Variants in WWC1 observed in about 807,000 individuals in gnomAD.
WWC1 encodes the protein protein KIBRA.
In WWC1, 55 loss-of-function variants were observed where a neutral mutation model predicts 138.4. That is an observed-to-expected ratio of 0.40 (90% CI 0.32 to 0.50). The LOEUF (loss-of-function observed/expected upper bound fraction) is 0.50. Among genes scored for constraint, WWC1 ranks in the 20% least tolerant of loss-of-function variants. The pLI, the probability that WWC1 is intolerant of heterozygous loss-of-function variation, is 0.72. For missense variants in WWC1, 1,226 were observed against 1,420.4 expected, an observed-to-expected ratio of 0.86 and a Z score of 2.20; for synonymous variants, 524 against 564.9, an observed-to-expected ratio of 0.93 and a Z score of 1.03.
At chr5:168,333,300 A>G (rs1246437716) in intron 1 of WWC1, among the ~76,000 whole-genome samples, 2 of 152,060 alleles carry the variant, frequency 1.3e-5, no homozygotes, top group East Asian at 1.9e-4. Flanking sequence ...TACCTCCCCT[A>G]TGTATAATGT....
At chr5:168,314,775 ACG>A (rs1161416430) in intron 1 of WWC1, among the ~76,000 whole-genome samples, 2 of 152,124 alleles carry the variant, frequency 1.3e-5, no homozygotes, top group Non-Finnish European at 2.9e-5. Context: ...GGAGCCATTC[ACG>A]GGCTGCAGAG....
chr5:168,399,910 A>G (rs1779186939), intron 5 of WWC1, among the ~76,000 whole-genome samples: 1 of 152,184 alleles, frequency 6.6e-6, no homozygotes, highest in Non-Finnish European at 1.5e-5. Flanking sequence ...TCTCTAGTCA[A>G]TCCAGTAGGG....
rs75585727 is a variant in WWC1 at position 168,422,557 on chromosome 5, G to A, written c.1274+460G>A. 5.6e-3 allele frequency among the ~76,000 whole-genome samples: 848 copies of A among 152,136 alleles called. 8 individuals carry two copies. The highest frequency in any genetic ancestry group is 0.019 in the African/African-American group (806 of 41,488). On this transcript the variant is annotated intron_variant, in intron 10 of 22. Coordinates refer to ENST00000265293, the MANE Select transcript of WWC1 (RefSeq NM_015238.3). ...ACTTGAGCCCGGGAGGAGGCTTACC[G>A]TGAGCCGAGATTGTGCTACTGCACT...
At position 168,297,391 on chromosome 5, in the gene WWC1, C is replaced by T. The variant is rs551552524; in HGVS notation, c.119+5120C>T. ...CCTATAATCCCAGCACTTTGGGAGG[C>T]TGAGGCGGGCAGATCACCTGAGGTC... On this transcript the variant is annotated intron_variant, in intron 1 of 22. Transcript: ENST00000265293. Among the ~76,000 whole-genome samples the T allele has an allele frequency of 7.0e-4, 107 of 152,286 alleles. 1 individual carries two copies. The highest frequency in any genetic ancestry group is 2.5e-3 in the African/African-American group (102 of 41,560).
At chr5:168,343,686 G>A (rs983102463) in intron 1 of WWC1, among the ~76,000 whole-genome samples, 4 of 152,154 alleles carry the variant, frequency 2.6e-5, no homozygotes, top group Admixed American at 1.3e-4. Flanking sequence ...GCTGGGCGTG[G>A]TGGCGTGTGC....
intron 1 of WWC1, among the ~76,000 whole-genome samples, chr5:168,339,391 G>A (rs1773783600): frequency 6.6e-6 from 1 of 152,144 alleles, no homozygotes; most frequent in Non-Finnish European, 1.5e-5. Context: ...GGCTGTGAAG[G>A]GTGCAGTCAT....
At chr5:168,467,238 A>G (rs550259358) in intron 21 of WWC1, among the ~76,000 whole-genome samples, 1 of 152,372 alleles carries the variant, frequency 6.6e-6, no homozygotes, top group Non-Finnish European at 1.5e-5. Context: ...AGCCTGGGCG[A>G]CAGAGCGAGA....
intron 15 of WWC1, among the ~76,000 whole-genome samples, chr5:168,436,284 A>G (rs1050383450): frequency 6.6e-6 from 1 of 151,766 alleles, no homozygotes; most frequent in African/African-American, 2.4e-5. Context: ...CTCCTTCAAA[A>G]TCCTTTGCCC....
intron 1 of WWC1, among the ~76,000 whole-genome samples, chr5:168,295,809 T>A (rs778700829): frequency 1.1e-4 from 16 of 152,110 alleles, no homozygotes; most frequent in Non-Finnish European, 2.1e-4. Flanking sequence ...CAGCCAGCCT[T>A]GCCAACTCTC....
chr5:168,370,291 C>T (rs1237023680), intron 1 of WWC1, among the ~76,000 whole-genome samples: 1 of 152,096 alleles, frequency 6.6e-6, no homozygotes, highest in Non-Finnish European at 1.5e-5. Flanking sequence ...TAATTAATCC[C>T]CAAGAAGGAA....
chr5:168,434,439 A>G (rs532590884), intron 15 of WWC1, among the ~76,000 whole-genome samples: 1 of 152,324 alleles, frequency 6.6e-6, no homozygotes, highest in East Asian at 1.9e-4. Context: ...GTTTTCAGCC[A>G]GGCAGCAACA....
At chr5:168,460,304 G>T (rs1017729149) in intron 19 of WWC1, among the ~76,000 whole-genome samples, 1 of 152,142 alleles carries the variant, frequency 6.6e-6, no homozygotes, top group African/African-American at 2.4e-5. Context: ...TGACCAGCTC[G>T]CCAATCTTGG....
intron 9 of WWC1, among the ~76,000 whole-genome samples, chr5:168,421,002 G>A (rs776447776): frequency 2.6e-4 from 39 of 152,086 alleles, no homozygotes; most frequent in Non-Finnish European, 4.6e-4. Flanking sequence ...TTCTCTACTA[G>A]TCAGGAATCT....
rs1755060050 is a variant in WWC1 at position 168,444,501 on chromosome 5, T to G, written c.2441T>G (p.Val814Gly). The change falls in exon 17 of 23, where the codon GTG (valine) becomes GGG (glycine). Residue 814 changes from valine (V) to glycine (G), a missense_variant. Coordinates refer to ENST00000265293, the MANE Select transcript of WWC1 (RefSeq NM_015238.3). ...PASGPASTDAVSALLEQTAVE... is the reference protein window; with the variant it reads ...PASGPASTDAGSALLEQTAVE... ...CAACCTTTGTCTCTATAGGACGCTG[T>G]GTCTGCTCTGTTGGAACAGACAGCA... 1 of 1,579,536 alleles carries G rather than the reference T, an allele frequency of 6.3e-7. No individual in the cohort carries two copies. Among genetic ancestry groups the G allele is most frequent in the African/African-American group, 1.3e-5 (1 of 74,340 alleles).
At chr5:168,314,561 C>A (rs147106204) in intron 1 of WWC1, among the ~76,000 whole-genome samples, 4,347 of 151,996 alleles carry the variant, frequency 0.029, 210 homozygotes, top group African/African-American at 0.097. Context: ...GAGTGAAACT[C>A]CATCTCAAAA....
At chr5:168,346,988 A>C (rs1774529505) in intron 1 of WWC1, among the ~76,000 whole-genome samples, 1 of 152,170 alleles carries the variant, frequency 6.6e-6, no homozygotes, top group Non-Finnish European at 1.5e-5. Context: ...GCAGGGGAGG[A>C]AATACACCTG....
chr5:168,307,179 A>C (rs995536083), intron 1 of WWC1, among the ~76,000 whole-genome samples: 1 of 152,258 alleles, frequency 6.6e-6, no homozygotes, highest in Non-Finnish European at 1.5e-5. Flanking sequence ...TCCATTCTGC[A>C]GATGAGGAAA....
intron 1 of WWC1, among the ~76,000 whole-genome samples, chr5:168,355,761 G>A (rs192173177): frequency 2.3e-4 from 35 of 152,262 alleles, no homozygotes; most frequent in Admixed American, 2.0e-3. Flanking sequence ...GACAAGACTG[G>A]ATTAATGTGT....
intron 11 of WWC1, among the ~76,000 whole-genome samples, chr5:168,427,538 C>CTTT (rs1306657651): frequency 7.4e-6 from 1 of 135,428 alleles, no homozygotes; most frequent in Non-Finnish European, 1.5e-5. Context: ...CTAAAGCAAA[C>CTTT]TTTTTTTTAA....
Sources: gnomAD v4.1 joint callset for allele counts (sites outside exome capture counted in the v4.1 genomes callset) on GRCh38, gnomAD v4.1.1 for gene constraint, MANE v1.5 for transcripts, NCBI Gene and HGNC (gene_info 2026-07-23, HGNC 2026-07-21) for gene names.